The following CA12 variants were observed in gnomAD, a reference collection of about 807,000 sequenced individuals.
CA12 encodes carbonic anhydrase 12.
In CA12, 36 loss-of-function variants were observed where a neutral mutation model predicts 46.8. That is an observed-to-expected ratio of 0.77 (90% CI 0.59 to 1.02). The LOEUF (loss-of-function observed/expected upper bound fraction) is 1.02. CA12 is among the 50% of genes least tolerant of loss of function. CA12 has a pLI of 0.00. For synonymous variants in CA12, 202 were observed against 187.0 expected, an observed-to-expected ratio of 1.08 and a Z score of -0.65; for missense variants, 436 against 451.4, an observed-to-expected ratio of 0.97 and a Z score of 0.31.
intron 8 of CA12, among the ~76,000 whole-genome samples, chr15:63,332,701 A>G (rs1262634999): frequency 6.6e-6 from 1 of 152,220 alleles, no homozygotes; most frequent in Non-Finnish European, 1.5e-5. Context: ...GATTTTTAAC[A>G]TTGTTAGCAA....
In CA12 at chr15:63,373,613, G is replaced by C. The variant is rs1408302903; in HGVS notation, c.106+2045C>G. 1.3e-5 allele frequency among the ~76,000 whole-genome samples: 2 copies of C among 152,196 alleles called. No individual in the cohort carries two copies. The highest frequency in any genetic ancestry group is 4.8e-5 in the African/African-American group (2 of 41,436). ...AGTGCAGCTAAGAATCACTTGGGGA[G>C]TGCGTTAAGAATACAGGTTTTTCAG... On this transcript the variant is annotated intron_variant, in intron 2 of 10. Coordinates refer to ENST00000178638, the MANE Select transcript of CA12 (RefSeq NM_001218.5). The surrounding 1 kb of genome is among the most constrained non-coding windows in gnomAD (Gnocchi z 4.9).
intron 8 of CA12, among the ~76,000 whole-genome samples, chr15:63,333,773 G>T (rs1048322332): frequency 2.6e-5 from 4 of 152,142 alleles, no homozygotes; most frequent in African/African-American, 9.7e-5. Context: ...CTATAGATTT[G>T]CCCTTGCGGT....
intron 3 of CA12, among the ~76,000 whole-genome samples, chr15:63,346,296 T>C (rs1451051360): frequency 1.3e-5 from 2 of 152,180 alleles, no homozygotes; most frequent in African/African-American, 2.4e-5. Context: ...TGCCCCATCC[T>C]GAGAGATGTG....
intron 2 of CA12, among the ~76,000 whole-genome samples, chr15:63,363,676 C>T (rs1033247303): frequency 5.9e-5 from 9 of 152,230 alleles, no homozygotes; most frequent in Admixed American, 2.0e-4. Flanking sequence ...TGCAGGAAAG[C>T]CAACACCTGA....
intron 8 of CA12, among the ~76,000 whole-genome samples, chr15:63,338,281 T>A (rs2152614452): frequency 6.6e-6 from 1 of 152,334 alleles, no homozygotes; most frequent in Non-Finnish European, 1.5e-5. Flanking sequence ...TGCACAAGGG[T>A]GCTTCCTTGC....
rs141302832 is a variant in CA12 at position 63,327,910 on chromosome 15, T to G, written c.907+188A>C. On this transcript the variant is annotated intron_variant, in intron 9 of 10. Coordinates refer to ENST00000178638, the MANE Select transcript of CA12 (RefSeq NM_001218.5). This position sits in a 1 kb window ranked among gnomAD's most constrained non-coding sequence, Gnocchi z 4.5. The stretch of plus-strand genomic sequence containing the variant: ...GCTGTAGAGTGATTGGATCTTTCAT[T>G]AGAGGAACATTTGATTGGCAGTTCA... Among the ~76,000 whole-genome samples the G allele has an allele frequency of 6.4e-4, 98 of 152,308 alleles. No homozygotes were observed. The highest frequency in any genetic ancestry group is 1.0e-3 in the Non-Finnish European group (68 of 68,024).
intron 2 of CA12, among the ~76,000 whole-genome samples, chr15:63,352,366 G>GT (rs1181887276): frequency 6.6e-6 from 1 of 152,334 alleles, no homozygotes; most frequent in Non-Finnish European, 1.5e-5. Flanking sequence ...CTGTGTTTTT[G>GT]TTTTTTATGA....
chr15:63,342,125 G>A, intron 4 of CA12, 28 bp from the exon 5 acceptor site: 1 of 1,451,258 alleles, frequency 6.9e-7, no homozygotes, highest in Non-Finnish European at 9.7e-7. Context: ...CCACCCATTA[G>A]GAGATAAGCG....
At chr15:63,365,557 T>C (rs1374979494) in intron 2 of CA12, among the ~76,000 whole-genome samples, 1 of 152,254 alleles carries the variant, frequency 6.6e-6, no homozygotes, top group African/African-American at 2.4e-5. Flanking sequence ...CAATAACGGC[T>C]GTCTGGGCAC....
At chr15:63,377,702 G>A (rs1014094943) in intron 1 of CA12, among the ~76,000 whole-genome samples, 1 of 152,170 alleles carries the variant, frequency 6.6e-6, no homozygotes, top group Non-Finnish European at 1.5e-5. Flanking sequence ...GCTCCCTAGA[G>A]CAACCACTTT....
At chr15:63,375,866 G>C (rs1357754346) in intron 1 of CA12, among the ~76,000 whole-genome samples, 188 bp from the exon 2 acceptor site, 1 of 151,014 alleles carries the variant, frequency 6.6e-6, no homozygotes, top group Non-Finnish European at 1.5e-5. Flanking sequence ...CTGGAGTGCA[G>C]TGGCGCGATC....
intron 2 of CA12, among the ~76,000 whole-genome samples, chr15:63,365,995 G>C (rs2039430841): frequency 6.6e-6 from 1 of 152,126 alleles, no homozygotes; most frequent in South Asian, 2.1e-4. Context: ...CAAAAAATTA[G>C]CTGGGCGTGA....
chr15:63,373,401 T>C lies in CA12; in HGVS notation c.106+2257A>G, dbSNP rs1163165056. ...TGTCCTCCCACACCTTCACACAATG[T>C]CTCTGTTCCCTGTCGCCATCTCATT... On this transcript the variant is annotated intron_variant, in intron 2 of 10. Coordinates refer to ENST00000178638, the MANE Select transcript of CA12 (RefSeq NM_001218.5). This position sits in a 1 kb window ranked among gnomAD's most constrained non-coding sequence, Gnocchi z 4.9. Among the ~76,000 whole-genome samples the C allele has an allele frequency of 2.0e-5, 3 of 151,804 alleles. No individual in the cohort carries two copies. Among genetic ancestry groups the C allele is most frequent in the South Asian group, 2.1e-4 (1 of 4,806 alleles).
In CA12 at chr15:63,340,352, G is replaced by A. The variant is rs1009294993; in HGVS notation, c.683C>T (p.Pro228Leu). Residue 228 changes from proline (P) to leucine (L), a missense_variant, in exon 7 of 11, where the codon CCC becomes CTC. Pro to Leu is a moderately conservative substitution (Grantham distance 98, BLOSUM62 -3). Coordinates refer to ENST00000178638, the MANE Select transcript of CA12 (RefSeq NM_001218.5). The surrounding 1 kb of genome is among the most constrained non-coding windows in gnomAD (Gnocchi z 4.4). ...YYRYRGSLTTPPCNPTVLWTV... is the reference protein window; with the variant it reads ...YYRYRGSLTTLPCNPTVLWTV... ...CCAGAGCACAGTGGGGTTGCAAGGG[G>A]GTGTGGTCAGGGACCCCCGGTAGCG... 5 of 1,614,012 alleles carry A rather than the reference G, an allele frequency of 3.1e-6. No individual in the cohort carries two copies. Among genetic ancestry groups the A allele is most frequent in the African/African-American group, 1.3e-5 (1 of 74,896 alleles).
rs1314632186 is a variant in CA12 at position 63,323,329 on chromosome 15, AGCCACACAT to A, written c.*2947_*2955del. 6.6e-6 allele frequency: 1 copy of A among 152,230 alleles called. No homozygotes were observed. The highest frequency in any genetic ancestry group is 1.5e-5 in the Non-Finnish European group (1 of 68,048). The allele number at this position is 152,230 out of a possible 1,614,324, so 9.4% of individuals were successfully genotyped here. On this transcript the variant is annotated 3_prime_UTR_variant, in exon 11 of 11. Coordinates refer to ENST00000178638, the MANE Select transcript of CA12 (RefSeq NM_001218.5). This position sits in a 1 kb window ranked among gnomAD's most constrained non-coding sequence, Gnocchi z 5.1. ...ACCATTAAGCAGCTTCGCGACCTGCAGCCACACATGCCATAGGCCTCCATCCTCAGGAAA... is the reference window on the plus strand; with the variant it reads ...ACCATTAAGCAGCTTCGCGACCTGCAGCCATAGGCCTCCATCCTCAGGAAA...
Position 63,329,307 on chromosome 15 carries a change from C to T in CA12, c.875-1177G>A, listed in dbSNP as rs992277154. Among the ~76,000 whole-genome samples the T allele has an allele frequency of 7.9e-5, 12 of 152,206 alleles. No individual in the cohort carries two copies. The highest frequency in any genetic ancestry group is 1.2e-4 in the Non-Finnish European group (8 of 68,048). ...AGGATAAATAAGGTGAGAGAGAAGT[C>T]CTCAGTGTGGCTGAACCCGTGCCCA... On this transcript the variant is annotated intron_variant, in intron 8 of 10. Transcript: ENST00000178638. This position sits in a 1 kb window ranked among gnomAD's most constrained non-coding sequence, Gnocchi z 4.8.
rs1200012518 is a variant in CA12, at chr15:63,345,599, C to G, written c.307G>C (p.Asp103His). ...GHSVKLNLPS[D>H]MHIQGLQSRY... is the part of the protein sequence containing the mutation. ...GACTGGAGGCCCTGGATGTGCATGT[C>G]CGAGGGCAGGTTCAGCTTCACTGCG... Residue 103 changes from aspartate to histidine, a missense_variant, in exon 4 of 11, where the codon GAC (aspartate) becomes CAC (histidine). By Grantham distance (81) the Asp-to-His change is moderately conservative. Coordinates refer to ENST00000178638, the MANE Select transcript of CA12 (RefSeq NM_001218.5). The surrounding 1 kb of genome is among the most constrained non-coding windows in gnomAD (Gnocchi z 4.3). 1 of 1,613,026 alleles carries G rather than the reference C, an allele frequency of 6.2e-7. No individual in the cohort carries two copies. The highest frequency in any genetic ancestry group is 2.2e-5 in the East Asian group (1 of 44,888).
chr15:63,346,844 A>T, intron 2 of CA12, 135 bp from the exon 3 acceptor site: 1 of 1,016,396 alleles, frequency 9.8e-7, no homozygotes, highest in Non-Finnish European at 1.5e-6. Flanking sequence ...TTCAAGGCTC[A>T]GAGTCTTGGC....
At chr15:63,371,755 C>T (rs2039510563) in intron 2 of CA12, among the ~76,000 whole-genome samples, 1 of 152,210 alleles carries the variant, frequency 6.6e-6, no homozygotes, top group African/African-American at 2.4e-5. Context: ...CACGCCCATT[C>T]TCAGCTAACA....
Sources: allele counts gnomAD v4.1 joint callset (sites outside exome capture counted in the v4.1 genomes callset), GRCh38; gene constraint gnomAD v4.1.1; non-coding constraint Gnocchi (gnomAD v3.1); transcripts MANE v1.5; gene names NCBI Gene and HGNC (gene_info 2026-07-23, HGNC 2026-07-21).